Variants in NTRK3 observed in about 807,000 individuals in gnomAD.
NTRK3 encodes NT-3 growth factor receptor.
NTRK3 carries 24 observed loss-of-function variants against 91.7 expected under a neutral mutation model. That is an observed-to-expected ratio of 0.26 (90% CI 0.19 to 0.37). The LOEUF is 0.37. Among genes scored for constraint, NTRK3 ranks in the 10% least tolerant of loss-of-function variants. The probability of loss-of-function intolerance (pLI) is 1.00; values close to 1 mark genes in which losing one functional copy is unlikely to be tolerated. For synonymous variants in NTRK3, 483 were observed against 404.0 expected (o/e 1.20, Z -2.34); for missense variants, 880 against 1,068.9 (o/e 0.82, Z 2.46).
chr15:88,137,343 A>T (rs2041971542), intron 7 of NTRK3, 61 bp downstream of exon 7: 2 of 1,592,932 alleles, frequency 1.3e-6, no homozygotes, highest in Admixed American at 3.3e-5. Context: ...GTCCAGCACC[A>T]TCTCTGGTGT....
At chr15:88,097,821 G>A (rs1219871672) in intron 13 of NTRK3, among the ~76,000 whole-genome samples, 1 of 152,152 alleles carries the variant, frequency 6.6e-6, no homozygotes, top group African/African-American at 2.4e-5. Flanking sequence ...TATGTAACAA[G>A]GACTAGAAGG....
chr15:88,122,239 C>T (rs1178663480), intron 13 of NTRK3, among the ~76,000 whole-genome samples: 1 of 152,264 alleles, frequency 6.6e-6, no homozygotes, highest in South Asian at 2.1e-4. Context: ...TATATGTGTA[C>T]ATATACATAT....
At chr15:87,926,800 C>T (rs887499659) in intron 17 of NTRK3, 46 of 152,320 alleles carry the variant, frequency 3.0e-4, no homozygotes, top group African/African-American at 1.0e-3. Flanking sequence ...CCAGTGAAGT[C>T]AGTAGTTATC....
At chr15:88,089,618 G>A (rs1441796903) in intron 13 of NTRK3, among the ~76,000 whole-genome samples, 2 of 152,114 alleles carry the variant, frequency 1.3e-5, no homozygotes, top group Admixed American at 6.5e-5. Context: ...TTAGCCTTAG[G>A]GCACCTTGGA....
rs2051397287 is a variant in NTRK3 at position 88,233,506 on chromosome 15, A to T, written c.248+22400T>A. Among the ~76,000 whole-genome samples the T allele has an allele frequency of 6.6e-6, 1 of 152,126 alleles. No individual in the cohort carries two copies. The highest frequency in any genetic ancestry group is 2.4e-5 in the African/African-American group (1 of 41,418). ...ACAGTTAGCATCCTCGAAAGAGCAA[A>T]TCCCAAGACCCTCTAATCCCCCAGC... On this transcript the variant is annotated intron_variant, in intron 3 of 18. Coordinates refer to ENST00000394480, the Ensembl canonical transcript of NTRK3. This position sits in a 1 kb window ranked among gnomAD's most constrained non-coding sequence, Gnocchi z 4.2.
At chr15:88,200,893 G>A (rs2048245101) in intron 3 of NTRK3, among the ~76,000 whole-genome samples, 1 of 152,102 alleles carries the variant, frequency 6.6e-6, no homozygotes, top group Non-Finnish European at 1.5e-5. Flanking sequence ...CTGAAAATCT[G>A]GGACAAGAGC....
intron 14 of NTRK3, among the ~76,000 whole-genome samples, chr15:87,983,850 G>A (rs1426394479): frequency 6.6e-6 from 1 of 152,128 alleles, no homozygotes; most frequent in Non-Finnish European, 1.5e-5. Context: ...AGAGGGCAGG[G>A]CTTTCTTACC....
intron 6 of NTRK3, among the ~76,000 whole-genome samples, chr15:88,144,446 C>T (rs1249826571): frequency 6.6e-6 from 1 of 152,056 alleles, no homozygotes; most frequent in Non-Finnish European, 1.5e-5. Flanking sequence ...GAGATGGTAA[C>T]TTGTTTGTTT....
At chr15:88,134,200 G>A (rs1276983822) in intron 10 of NTRK3, among the ~76,000 whole-genome samples, 5 of 152,184 alleles carry the variant, frequency 3.3e-5, no homozygotes, top group Admixed American at 2.0e-4. Flanking sequence ...CCAAAATGAA[G>A]CACCAAGCTC....
Position 88,008,317 on chromosome 15 carries a change from G to C in NTRK3, c.1585+24540C>G, listed in dbSNP as rs935048218. Among the ~76,000 whole-genome samples the C allele has an allele frequency of 1.1e-4, 16 of 152,230 alleles. 1 individual carries two copies. Among genetic ancestry groups the C allele is most frequent in the Admixed American group, 5.9e-4 (9 of 15,294 alleles). On this transcript the variant is annotated intron_variant, in intron 14 of 18. Coordinates refer to ENST00000394480, the Ensembl canonical transcript of NTRK3. ...TCTACCAATGCCACCAACTCACTAG[G>C]TCTCTTGGGGCAAGTATCTTAACCA... is the stretch of plus-strand genomic sequence containing the variant.
chr15:88,151,850 C>G (rs2043410723), intron 5 of NTRK3, among the ~76,000 whole-genome samples: 1 of 152,200 alleles, frequency 6.6e-6, no homozygotes, highest in African/African-American at 2.4e-5. Flanking sequence ...GTGGCAGGTC[C>G]TCTGCGTCTC....
chr15:87,924,131 T>C (rs1390953030), intron 17 of NTRK3, among the ~76,000 whole-genome samples: 2 of 152,144 alleles, frequency 1.3e-5, no homozygotes, highest in Non-Finnish European at 2.9e-5. Flanking sequence ...ATGCGTGTGA[T>C]AGGGGATGTT....
chr15:87,865,449 A>T (rs2064642246), exon 19 of NTRK3: 2 of 214,332 alleles, frequency 9.3e-6, no homozygotes, highest in Non-Finnish European at 1.9e-5. Flanking sequence ...TGGGAATCCC[A>T]CTCACACGTA....
chr15:87,911,695 G>A (rs893282602), intron 17 of NTRK3, among the ~76,000 whole-genome samples: 1 of 152,146 alleles, frequency 6.6e-6, no homozygotes, highest in African/African-American at 2.4e-5. Flanking sequence ...CTGAAACCTG[G>A]CTTTGTGATC....
Position 88,135,896 on chromosome 15 carries a change from T to G in NTRK3, c.907+3A>C. 1 of 1,614,082 alleles carries G rather than the reference T, an allele frequency of 6.2e-7. No homozygotes were observed. The highest frequency in any genetic ancestry group is 8.5e-7 in the Non-Finnish European group (1 of 1,179,972). ...GCCATCCCCCACAATAACATGCACT[T>G]ACAGTAGACAGTGAGGGCAACACTG... On this transcript the variant is annotated splice_donor_region_variant and intron_variant, in intron 9 of 18. Coordinates refer to ENST00000394480, the Ensembl canonical transcript of NTRK3.
At chr15:88,160,822 G>T (rs2044381580) in intron 5 of NTRK3, among the ~76,000 whole-genome samples, 2 of 152,178 alleles carry the variant, frequency 1.3e-5, no homozygotes, top group African/African-American at 4.8e-5. Context: ...TGGCTGTGTG[G>T]GTTTGGAAAA....
rs891208325 is a variant in NTRK3 at position 88,237,736 on chromosome 15, TG to T, written c.248+18169del. Among the ~76,000 whole-genome samples, 2 of 151,974 alleles carry T rather than the reference TG, an allele frequency of 1.3e-5. No individual in the cohort carries two copies. Among genetic ancestry groups the T allele is most frequent in the African/African-American group, 2.4e-5 (1 of 41,334 alleles). On this transcript the variant is annotated intron_variant, in intron 3 of 18. Coordinates refer to ENST00000394480, the Ensembl canonical transcript of NTRK3. This position sits in a 1 kb window ranked among gnomAD's most constrained non-coding sequence, Gnocchi z 4.0. The stretch of plus-strand genomic sequence containing the variant: ...TACATGACCGACTAAGCAGACACTT[TG>T]GGCATTCGCAACAAGACACACCAAA...
chr15:88,015,634 A>T (rs941792640), intron 14 of NTRK3, among the ~76,000 whole-genome samples: 2 of 152,074 alleles, frequency 1.3e-5, no homozygotes, highest in Non-Finnish European at 1.5e-5. Context: ...TCATATCTCC[A>T]GAACTGTTTC....
At chr15:88,071,228 G>A (rs988736633) in intron 13 of NTRK3, among the ~76,000 whole-genome samples, 1 of 152,230 alleles carries the variant, frequency 6.6e-6, no homozygotes, top group Non-Finnish European at 1.5e-5. Context: ...GCATCCCAGC[G>A]ATGAGGGCAG....
Sources: gnomAD v4.1 joint callset for allele counts (sites outside exome capture counted in the v4.1 genomes callset) on GRCh38, gnomAD v4.1.1 for gene constraint, Gnocchi (gnomAD v3.1) non-coding constraint, MANE v1.5 for transcripts, NCBI Gene and HGNC (gene_info 2026-07-23, HGNC 2026-07-21) for gene names.